TRPS1: variants seen among roughly 807,000 people sequenced by gnomAD.
TRPS1 encodes zinc finger transcription factor Trps1.
Under a neutral mutation model 101.2 loss-of-function variants are expected in TRPS1, and 6 were observed. That is an observed-to-expected ratio of 0.06 (90% CI 0.03 to 0.12). The LOEUF is 0.12. Ranked by LOEUF, TRPS1 falls within the 10% of genes least tolerant of loss-of-function variation. The pLI is 1.00. For synonymous variants in TRPS1, 578 were observed against 589.8 expected, an observed-to-expected ratio of 0.98 and a Z score of 0.29; for missense variants, 1,363 against 1,567.0, an observed-to-expected ratio of 0.87 and a Z score of 2.20.
At chr8:115,600,336 G>A (rs537689386) in intron 4 of TRPS1, among the ~76,000 whole-genome samples, 4 of 152,152 alleles carry the variant, frequency 2.6e-5, no homozygotes, top group Admixed American at 6.5e-5. Context: ...GTGAATTTTC[G>A]TAATAGTGAG....
intron 5 of TRPS1, chr8:115,509,723 C>T (rs1032604928): frequency 1.3e-5 from 2 of 151,968 alleles, no homozygotes; most frequent in African/African-American, 2.4e-5. Flanking sequence ...AGGCTGAGCT[C>T]GACGTGAGTG....
In TRPS1 at chr8:115,614,112, G is replaced by C. The variant is rs1046262561; in HGVS notation, c.966+5020C>G. Among the ~76,000 whole-genome samples the C allele has an allele frequency of 2.0e-5, 3 of 152,212 alleles. No homozygotes were observed. The South Asian group carries it at 6.2e-4, about 32-fold the overall frequency. ...GTATTGGCACACTACTTGTATATCT[G>C]TGTTTCTAACAGCTGCACGTATGCT... On this transcript the variant is annotated intron_variant, in intron 3 of 6. Transcript: ENST00000395715.
intron 1 of TRPS1, among the ~76,000 whole-genome samples, chr8:115,641,269 T>G (rs1818888615): frequency 6.6e-6 from 1 of 152,236 alleles, no homozygotes; most frequent in Non-Finnish European, 1.5e-5. Context: ...TACTCTTTCT[T>G]GTAACCAGGG....
chr8:115,542,414 A>C (rs953959474), intron 5 of TRPS1, among the ~76,000 whole-genome samples: 2 of 152,152 alleles, frequency 1.3e-5, no homozygotes, highest in African/African-American at 4.8e-5. Flanking sequence ...TAGACACATT[A>C]GATCTTTAAA....
At chr8:115,426,603 T>C (rs955166880) in intron 5 of TRPS1, among the ~76,000 whole-genome samples, 1 of 152,226 alleles carries the variant, frequency 6.6e-6, no homozygotes, top group Admixed American at 6.5e-5. Flanking sequence ...GAGGCAGCTA[T>C]ATACAATTCA....
At chr8:115,504,861 CTTGTT>C (rs1329886385) in intron 5 of TRPS1, among the ~76,000 whole-genome samples, 2 of 152,100 alleles carry the variant, frequency 1.3e-5, no homozygotes, top group African/African-American at 2.4e-5. Context: ...AATGAAAACT[CTTGTT>C]TAGGTGTAAG....
intron 1 of TRPS1, among the ~76,000 whole-genome samples, chr8:115,638,769 T>C (rs1276824931): frequency 1.3e-5 from 2 of 152,184 alleles, no homozygotes; most frequent in Admixed American, 1.3e-4. Context: ...ATCTTTACTT[T>C]CTTAATTCCC....
intron 5 of TRPS1, among the ~76,000 whole-genome samples, chr8:115,546,639 T>G (rs891516526): frequency 5.9e-5 from 9 of 151,704 alleles, no homozygotes; most frequent in African/African-American, 2.2e-4. Context: ...AGTGTTTAAC[T>G]AATGTAACAT....
intron 5 of TRPS1, among the ~76,000 whole-genome samples, chr8:115,429,990 A>G (rs1053954474): frequency 6.6e-6 from 1 of 152,202 alleles, no homozygotes; most frequent in Non-Finnish European, 1.5e-5. Context: ...AGATATTTTG[A>G]AAAAGGATTC....
chr8:115,556,797 G>A (rs1274596164), intron 5 of TRPS1, among the ~76,000 whole-genome samples: 2 of 152,084 alleles, frequency 1.3e-5, no homozygotes, highest in South Asian at 2.1e-4. Context: ...TTTTTATGAT[G>A]CTAAGTATGC....
rs1563705692 is a variant in TRPS1 at position 115,409,272 on chromosome 8, A to ACAAAAAAAC, written c.*4750_*4751insGTTTTTTTG. 2 of 149,222 alleles carry ACAAAAAAAC rather than the reference A, an allele frequency of 1.3e-5. No homozygotes were observed. The highest frequency in any genetic ancestry group is 4.9e-5 in the African/African-American group (2 of 40,460). 9.2% of individuals were successfully genotyped at this position (149,222 alleles called of 1,614,324 possible). ...AGTTTATATGTTGGGAAAAAAAAAA[A>ACAAAAAAAC]AAAAAAAAACAGGGGAAAACCAGAA... On this transcript the variant is annotated 3_prime_UTR_variant, in exon 7 of 7. Transcript: ENST00000395715.
chr8:115,633,139 C>A (rs913557754), intron 1 of TRPS1, among the ~76,000 whole-genome samples: 1 of 151,652 alleles, frequency 6.6e-6, no homozygotes, highest in Non-Finnish European at 1.5e-5. Context: ...CTGAATTGTA[C>A]GGGAGAAAGG....
chr8:115,659,398 T>A (rs539706550), intron 1 of TRPS1, among the ~76,000 whole-genome samples: 1 of 151,794 alleles, frequency 6.6e-6, no homozygotes, highest in East Asian at 1.9e-4. Context: ...ATTTATAATT[T>A]AAATATAATT....
chr8:115,481,924 C>T (rs947809390), intron 5 of TRPS1, among the ~76,000 whole-genome samples: 1 of 152,128 alleles, frequency 6.6e-6, no homozygotes, highest in Non-Finnish European at 1.5e-5. Flanking sequence ...TGGAAAATTT[C>T]GGTAAGTTTA....
intron 5 of TRPS1, among the ~76,000 whole-genome samples, chr8:115,430,126 T>C (rs780358583): frequency 6.6e-6 from 1 of 152,274 alleles, no homozygotes; most frequent in Non-Finnish European, 1.5e-5. Flanking sequence ...CTACTCTTCA[T>C]CATAAGAGGA....
At chr8:115,627,762 A>G (rs983939821) in intron 1 of TRPS1, among the ~76,000 whole-genome samples, 1 of 151,734 alleles carries the variant, frequency 6.6e-6, no homozygotes, top group Non-Finnish European at 1.5e-5. Flanking sequence ...GAAAATCTCA[A>G]TTATTAACTC....
rs1197292142 is a variant in TRPS1, at chr8:115,410,684, T to A, written c.*3339A>T. 1 of 152,294 alleles carries A rather than the reference T, an allele frequency of 6.6e-6. No individual in the cohort carries two copies. Among genetic ancestry groups the A allele is most frequent in the Non-Finnish European group, 1.5e-5 (1 of 67,940 alleles). 9.4% of individuals were successfully genotyped at this position (152,294 alleles called of 1,614,324 possible). A position where few individuals can be genotyped will look rare whatever the true frequency, so the allele number is the denominator to read the frequency against. On this transcript the variant is annotated 3_prime_UTR_variant, in exon 7 of 7. Transcript: ENST00000395715. ...ACAACAGAATGAATACAGAGGTGAG[T>A]GATGAGAGAAAGAGTGAGAAAAGGA...
chr8:115,492,207 G>A (rs919435721), intron 5 of TRPS1: 5 of 456,074 alleles, frequency 1.1e-5, no homozygotes, highest in Non-Finnish European at 2.2e-5. Flanking sequence ...AATCAGAGGG[G>A]TGACAGTGCT....
At chr8:115,450,461 C>T (rs537073968) in intron 5 of TRPS1, among the ~76,000 whole-genome samples, 3 of 152,042 alleles carry the variant, frequency 2.0e-5, no homozygotes, top group South Asian at 2.1e-4. Context: ...TACAATAAAG[C>T]GCCAATGATT....
Sources: gnomAD v4.1 joint callset for allele counts (sites outside exome capture counted in the v4.1 genomes callset) on GRCh38, gnomAD v4.1.1 for gene constraint, MANE v1.5 for transcripts, NCBI Gene and HGNC (gene_info 2026-07-23, HGNC 2026-07-21) for gene names.